The following CTNNBL1 variants were observed in gnomAD, a reference collection of about 807,000 sequenced individuals.
The protein encoded by CTNNBL1 is beta-catenin-like protein 1.
Under a neutral mutation model 72.7 loss-of-function variants are expected in CTNNBL1, and 31 were observed. The observed-to-expected ratio is 0.43, with a 90% CI of 0.32 to 0.58. CTNNBL1 has a LOEUF of 0.58. Among genes scored for constraint, CTNNBL1 ranks in the 20% least tolerant of loss-of-function variants. CTNNBL1 has a pLI of 0.08. For synonymous variants in CTNNBL1, 240 were observed against 267.3 expected, an observed-to-expected ratio of 0.90 and a Z score of 1.00; for missense variants, 534 against 725.1, an observed-to-expected ratio of 0.74 and a Z score of 3.03.
At chr20:37,836,741 A>G (rs1014020170) in intron 11 of CTNNBL1, among the ~76,000 whole-genome samples, 1 of 152,226 alleles carries the variant, frequency 6.6e-6, no homozygotes, top group African/African-American at 2.4e-5. Flanking sequence ...TAAACTGGTC[A>G]GTGGATGAGG....
chr20:37,701,529 C>T (rs995721348), intron 1 of CTNNBL1, among the ~76,000 whole-genome samples: 32 of 151,982 alleles, frequency 2.1e-4, no homozygotes, highest in African/African-American at 6.5e-4. Flanking sequence ...ATGGAAGGAA[C>T]GGTTGGATAT....
chr20:37,871,769 T>C (rs1368232639), intron 15 of CTNNBL1, among the ~76,000 whole-genome samples, 156 bp from the exon 16 acceptor site: 1 of 152,066 alleles, frequency 6.6e-6, no homozygotes, highest in Non-Finnish European at 1.5e-5. Flanking sequence ...CACTGAGGCC[T>C]CAAAGGCAAG....
chr20:37,826,742 T>C (rs369903452), intron 11 of CTNNBL1, among the ~76,000 whole-genome samples: 21 of 152,378 alleles, frequency 1.4e-4, no homozygotes, highest in African/African-American at 4.8e-4. Flanking sequence ...CACATGTTTA[T>C]CCATGTCTGT....
chr20:37,744,513 C>T (rs2073244870), intron 3 of CTNNBL1: 1 of 152,104 alleles, frequency 6.6e-6, no homozygotes, highest in African/African-American at 2.4e-5. Context: ...ATTGTGTGGC[C>T]ATTAATCTAT....
At chr20:37,784,294 T>A (rs992222806) in intron 10 of CTNNBL1, among the ~76,000 whole-genome samples, 4 of 152,206 alleles carry the variant, frequency 2.6e-5, no homozygotes, top group Non-Finnish European at 5.9e-5. Flanking sequence ...CCCATTTTTT[T>A]AATCCATTCA....
At chr20:37,824,998 G>A (rs941369974) in intron 11 of CTNNBL1, among the ~76,000 whole-genome samples, 15 of 152,230 alleles carry the variant, frequency 9.9e-5, no homozygotes, top group African/African-American at 3.1e-4. Context: ...AGGTTGTTGT[G>A]TATGTGCTTT....
chr20:37,783,621 T>C (rs972414238), intron 10 of CTNNBL1, among the ~76,000 whole-genome samples: 2 of 152,220 alleles, frequency 1.3e-5, no homozygotes, highest in Admixed American at 6.5e-5. Flanking sequence ...ATTGGCCCAC[T>C]GGTTATTCAA....
In CTNNBL1 at chr20:37,860,025, A is replaced by G. The variant is rs4811236; in HGVS notation, c.1519A>G (p.Asn507Asp). 8 of 1,614,122 alleles carry G rather than the reference A, an allele frequency of 5.0e-6. No homozygotes were observed. The Admixed American group carries it at 6.7e-5, about 13-fold the overall frequency. Residue 507 changes from asparagine (N) to aspartate (D), a missense_variant, in exon 14 of 16, where the codon AAT becomes GAT. Transcript: ENST00000361383. ...CATCATGGCCGAGATCTGCAATGCC[A>G]ATGTCCCCCAGGTAGGAGGGTCTTC... is the stretch of plus-strand genomic sequence containing the variant. ...CYIMAEICNA[N>D]VPQIRQRVHQ...
At chr20:37,851,155 G>A (rs2072393650) in intron 13 of CTNNBL1, among the ~76,000 whole-genome samples, 1 of 152,170 alleles carries the variant, frequency 6.6e-6, no homozygotes, top group African/African-American at 2.4e-5. Context: ...GTGTGTCTTT[G>A]GAGATGAAGC....
intron 13 of CTNNBL1, among the ~76,000 whole-genome samples, chr20:37,849,326 T>C (rs1318879252): frequency 6.6e-6 from 1 of 152,224 alleles, no homozygotes; most frequent in East Asian, 1.9e-4. Context: ...TGCATCGCCC[T>C]CGGGATGCAG....
intron 11 of CTNNBL1, among the ~76,000 whole-genome samples, chr20:37,830,060 T>A (rs538498653): frequency 2.2e-4 from 33 of 152,196 alleles, no homozygotes; most frequent in South Asian, 6.2e-4. Flanking sequence ...CTCAAACTCC[T>A]AGGCTCAAGC....
At chr20:37,745,420 CA>C (rs2073253954) in intron 3 of CTNNBL1, among the ~76,000 whole-genome samples, 1 of 152,182 alleles carries the variant, frequency 6.6e-6, no homozygotes, top group Non-Finnish European at 1.5e-5. Flanking sequence ...GAAGAGAAGA[CA>C]GACATATTAC....
intron 2 of CTNNBL1, among the ~76,000 whole-genome samples, chr20:37,733,557 G>GT (rs1416156654): frequency 6.6e-6 from 1 of 152,114 alleles, no homozygotes; most frequent in Non-Finnish European, 1.5e-5. Flanking sequence ...CTCAAGATGC[G>GT]TTGGGGCCTT....
chr20:37,760,955 T>A (rs1251104808), intron 5 of CTNNBL1, among the ~76,000 whole-genome samples: 1 of 148,602 alleles, frequency 6.7e-6, no homozygotes, highest in Non-Finnish European at 1.5e-5. Flanking sequence ...GGGGTGGGCC[T>A]AAATAAGAAA....
At chr20:37,732,300 C>T (rs1220298705) in intron 1 of CTNNBL1, among the ~76,000 whole-genome samples, 1 of 152,192 alleles carries the variant, frequency 6.6e-6, no homozygotes, top group African/African-American at 2.4e-5. Flanking sequence ...AGTAGACATT[C>T]AGAAGTTACA....
intron 13 of CTNNBL1, chr20:37,847,905 T>TTGA (rs2072360123): frequency 6.5e-6 from 1 of 152,818 alleles, no homozygotes; most frequent in African/African-American, 2.4e-5. Flanking sequence ...TCCACAGGAC[T>TTGA]TGATGTCTTA....
intron 15 of CTNNBL1, among the ~76,000 whole-genome samples, chr20:37,869,302 G>A (rs1217509453): frequency 6.6e-6 from 1 of 152,244 alleles, no homozygotes. Flanking sequence ...GGGGAGGGGT[G>A]AGAGGTCACA....
At chr20:37,772,536 G>A (rs2073534668) in intron 7 of CTNNBL1, among the ~76,000 whole-genome samples, 2 of 152,164 alleles carry the variant, frequency 1.3e-5, no homozygotes, top group Admixed American at 6.5e-5. Context: ...TTTTAGTAGA[G>A]ATGGGGTTTC....
chr20:37,848,543 A>G (rs2072366942), intron 13 of CTNNBL1, among the ~76,000 whole-genome samples: 1 of 152,136 alleles, frequency 6.6e-6, no homozygotes, highest in Non-Finnish European at 1.5e-5. Context: ...AACTTGTGAC[A>G]GGGGGCCTGG....
Sources: allele counts gnomAD v4.1 joint callset (sites outside exome capture counted in the v4.1 genomes callset), GRCh38; gene constraint gnomAD v4.1.1; transcripts MANE v1.5; gene names NCBI Gene and HGNC (gene_info 2026-07-23, HGNC 2026-07-21).